The following STRBP variants were observed in gnomAD, a reference collection of about 807,000 sequenced individuals.
STRBP encodes the protein spermatid perinuclear RNA-binding protein.
A neutral mutation model predicts 80.1 loss-of-function variants in STRBP; 13 were observed. The ratio of observed to expected loss-of-function variants is 0.16; its 90% CI spans 0.11 to 0.26. The LOEUF is 0.26. STRBP is among the 10% of genes least tolerant of loss of function. The pLI is 1.00. For missense variants in STRBP, 485 were observed against 815.2 expected (o/e 0.59, Z 4.93); for synonymous variants, 284 against 291.2 (o/e 0.98, Z 0.25).
intron 6 of STRBP, among the ~76,000 whole-genome samples, chr9:123,162,804 T>C (rs1434762191): frequency 2.0e-5 from 3 of 152,204 alleles, no homozygotes; most frequent in Non-Finnish European, 4.4e-5. Context: ...TATAAACAAA[T>C]GTACCACGGG....
chr9:123,153,183 C>T (rs1011222366), intron 11 of STRBP, among the ~76,000 whole-genome samples: 2 of 147,830 alleles, frequency 1.4e-5, no homozygotes, highest in African/African-American at 5.3e-5. Context: ...AAGCTAAATT[C>T]TAGACTCATT....
In STRBP at chr9:123,136,625, C is replaced by G; in HGVS notation, c.1498-110G>C. The G allele has an allele frequency of 7.8e-7, 1 of 1,284,306 alleles. No individual in the cohort carries two copies. The highest frequency in any genetic ancestry group is 1.1e-6 in the Non-Finnish European group (1 of 949,720). The allele number at this position is 1,284,306 out of a possible 1,614,324, so 79.6% of individuals were successfully genotyped here. On this transcript the variant is annotated intron_variant, in intron 14 of 18. Coordinates refer to ENST00000348403, the MANE Select transcript of STRBP (RefSeq NM_018387.5). This position sits in a 1 kb window ranked among gnomAD's most constrained non-coding sequence, Gnocchi z 4.2. ...GAGGCTCAAAAATTCTACTTCAAAG[C>G]ACTCAGGGGCTAGAATGAGTCACCT...
intron 1 of STRBP, among the ~76,000 whole-genome samples, chr9:123,248,975 T>G (rs2040858036): frequency 6.6e-6 from 1 of 152,244 alleles, no homozygotes; most frequent in Admixed American, 6.5e-5. Flanking sequence ...TAATGACCTA[T>G]TCGCTGCATT....
intron 6 of STRBP, among the ~76,000 whole-genome samples, chr9:123,168,479 A>T (rs2037865137): frequency 6.6e-6 from 1 of 152,224 alleles, no homozygotes; most frequent in Non-Finnish European, 1.5e-5. Flanking sequence ...AGAGTCTATC[A>T]CTTTTACTTT....
At chr9:123,216,536 T>C (rs936781512) in intron 2 of STRBP, among the ~76,000 whole-genome samples, 1 of 152,200 alleles carries the variant, frequency 6.6e-6, no homozygotes, top group Non-Finnish European at 1.5e-5. Context: ...CATGCAAATA[T>C]ATGTCGTGAC....
At chr9:123,217,774 G>A (rs2039943319) in intron 2 of STRBP, among the ~76,000 whole-genome samples, 1 of 152,168 alleles carries the variant, frequency 6.6e-6, no homozygotes, top group Admixed American at 6.5e-5. Flanking sequence ...GTCCTTTACT[G>A]ACAATATTTG....
chr9:123,141,674 A>T (rs2036595512), intron 13 of STRBP, among the ~76,000 whole-genome samples: 1 of 152,228 alleles, frequency 6.6e-6, no homozygotes, highest in Admixed American at 6.5e-5. Context: ...AAATTATTTA[A>T]TACTTCTCTC....
intron 2 of STRBP, among the ~76,000 whole-genome samples, chr9:123,232,652 T>C (rs986484981): frequency 2.4e-4 from 37 of 152,160 alleles, no homozygotes; most frequent in Non-Finnish European, 5.3e-4. Context: ...AATTGTTAGA[T>C]GTAAAATAAA....
intron 11 of STRBP, among the ~76,000 whole-genome samples, chr9:123,148,981 C>T (rs963680007): frequency 6.6e-6 from 1 of 152,158 alleles, no homozygotes; most frequent in African/African-American, 2.4e-5. Flanking sequence ...CAAAAGGCAG[C>T]AGTTTTGCTG....
downstream of STRBP, among the ~76,000 whole-genome samples, chr9:123,117,540 C>T (rs928309402): frequency 2.7e-5 from 4 of 150,040 alleles, no homozygotes; most frequent in Non-Finnish European, 5.9e-5. Flanking sequence ...AGACAGCAAA[C>T]TCCAGGCTGG....
At chr9:123,204,358 T>C (rs879743431) in intron 2 of STRBP, among the ~76,000 whole-genome samples, 11 of 152,214 alleles carry the variant, frequency 7.2e-5, no homozygotes, top group Non-Finnish European at 1.5e-4. Context: ...CTTTTCCAAT[T>C]CACATCACTG....
At position 123,158,014 on chromosome 9, in the gene STRBP, T is replaced by C; in HGVS notation, c.1043A>G (p.Glu348Gly). ...QKYSWSVTDK[E>G]GAGSSALKRP... ...TAATAAAAAACTTCCATGCTCACCT[T>C]CTTTATCAGTAACTGACCAGGAATA... Residue 348 changes from glutamate (E) to glycine (G), a missense_variant and splice_region_variant, in exon 11 of 19, where the codon GAA becomes GGA. Transcript: ENST00000348403. The C allele has an allele frequency of 6.2e-7, 1 of 1,610,118 alleles. No homozygotes were observed. The highest frequency in any genetic ancestry group is 1.3e-5 in the African/African-American group (1 of 74,342).
chr9:123,170,093 ACCTC>A lies in STRBP; in HGVS notation c.391-51_391-48del. On this transcript the variant is annotated intron_variant, in intron 5 of 18. Coordinates refer to ENST00000348403, the MANE Select transcript of STRBP (RefSeq NM_018387.5). ...AAATCACCCAGTTAATTAGACTGAA[ACCTC>A]AAAAGAAAAAAAAACAATGCTTGTA... is the stretch of plus-strand genomic sequence containing the variant. 8.4e-6 allele frequency: 13 copies of A among 1,544,294 alleles called. No individual in the cohort carries two copies. In the Admixed American group the frequency reaches 1.2e-4, roughly 14 times the overall value.
At chr9:123,195,229 A>G (rs2039052115) in intron 2 of STRBP, among the ~76,000 whole-genome samples, 1 of 152,154 alleles carries the variant, frequency 6.6e-6, no homozygotes, top group Admixed American at 6.6e-5. Flanking sequence ...CATGCCAAAA[A>G]CTTGAAAGTC....
At position 123,122,692 on chromosome 9, in the gene STRBP, A is replaced by G; in HGVS notation, c.*2905T>C. On this transcript the variant is annotated 3_prime_UTR_variant, in exon 19 of 19. Transcript: ENST00000348403. The stretch of plus-strand genomic sequence containing the variant: ...CAAGCTGCAAGCCACATCCCTGGCT[A>G]GGGGCCAGTCCCCGTGCAGAGGATA... 3.0e-6 allele frequency: 3 copies of G among 1,013,056 alleles called. No homozygotes were observed. The highest frequency in any genetic ancestry group is 3.5e-6 in the Non-Finnish European group (3 of 847,824). The allele number at this position is 1,013,056 out of a possible 1,614,324, so 62.8% of individuals were successfully genotyped here.
chr9:123,261,860 A>C (rs1385932819), intron 1 of STRBP, among the ~76,000 whole-genome samples: 3 of 152,232 alleles, frequency 2.0e-5, no homozygotes, highest in Non-Finnish European at 4.4e-5. Context: ...AGAGTTACCC[A>C]GTATCCAAAA....
intron 11 of STRBP, among the ~76,000 whole-genome samples, chr9:123,154,982 G>A (rs1285725876): frequency 6.6e-6 from 1 of 152,216 alleles, no homozygotes; most frequent in Non-Finnish European, 1.5e-5. Flanking sequence ...AGTAGACAGG[G>A]AGGAACTGAC....
chr9:123,202,683 T>C (rs1199810148), intron 2 of STRBP, among the ~76,000 whole-genome samples: 3 of 152,144 alleles, frequency 2.0e-5, no homozygotes, highest in Admixed American at 2.0e-4. Context: ...CATTTAAAAA[T>C]AGATAAAAGA....
intron 2 of STRBP, among the ~76,000 whole-genome samples, chr9:123,231,978 C>A (rs2040411078): frequency 6.6e-6 from 1 of 152,186 alleles, no homozygotes; most frequent in African/African-American, 2.4e-5. Flanking sequence ...TAAGGAATAT[C>A]CTTCCTTCCC....
Sources: gnomAD v4.1 joint callset for allele counts (sites outside exome capture counted in the v4.1 genomes callset) on GRCh38, gnomAD v4.1.1 for gene constraint, Gnocchi (gnomAD v3.1) non-coding constraint, MANE v1.5 for transcripts, NCBI Gene and HGNC (gene_info 2026-07-23, HGNC 2026-07-21) for gene names.